The following TCF12 variants were observed in gnomAD, a reference collection of about 807,000 sequenced individuals.
The protein encoded by TCF12 is transcription factor 12.
In TCF12, 45 loss-of-function variants were observed where a neutral mutation model predicts 86.0. The ratio of observed to expected loss-of-function variants is 0.52; its 90% CI spans 0.41 to 0.67. The LOEUF is 0.67. Ranked by LOEUF, TCF12 falls within the 30% of genes least tolerant of loss-of-function variation. TCF12 has a pLI of 0.00. For missense variants in TCF12, 881 were observed against 859.9 expected (o/e 1.02, Z -0.31); for synonymous variants, 330 against 299.6 (o/e 1.10, Z -1.05).
At chr15:57,197,152 C>CTTTTTTTTT (rs138145337) in intron 7 of TCF12, among the ~76,000 whole-genome samples, 2,035 of 87,144 alleles carry the variant, frequency 0.023, 197 homozygotes, top group African/African-American at 0.075. Context: ...AGAACAGCTT[C>CTTTTTTTTT]TTTTTTTTTT....
rs376978153 is a variant in TCF12, at chr15:57,160,439, G to A, written c.326-5963G>A. On this transcript the variant is annotated intron_variant, in intron 5 of 20. Transcript: ENST00000333725. ...TTACCTCCCACCAGGTCCCTCCCAC[G>A]ACGTGGGGATTATGGAAACTACAGT... Among the ~76,000 whole-genome samples, 23 of 152,272 alleles carry A rather than the reference G, an allele frequency of 1.5e-4. No homozygotes were observed. The East Asian group carries it at 2.5e-3, about 17-fold the overall frequency.
At chr15:57,189,791 T>C (rs555550244) in intron 6 of TCF12, among the ~76,000 whole-genome samples, 20 of 151,986 alleles carry the variant, frequency 1.3e-4, no homozygotes, top group Non-Finnish European at 2.5e-4. Flanking sequence ...TGAATATACA[T>C]AGCAGTACTA....
At chr15:56,962,231 G>A (rs1193700342) in intron 3 of TCF12, among the ~76,000 whole-genome samples, 1 of 151,874 alleles carries the variant, frequency 6.6e-6, no homozygotes, top group African/African-American at 2.4e-5. Flanking sequence ...TACTTTTAAA[G>A]TGTGATTTCT....
chr15:56,990,976 T>G (rs1433348847), intron 3 of TCF12, among the ~76,000 whole-genome samples: 1 of 151,922 alleles, frequency 6.6e-6, no homozygotes, highest in Non-Finnish European at 1.5e-5. Context: ...TAAATTTTTT[T>G]GTAGAGATGG....
chr15:57,061,335 G>A (rs1233575533), intron 3 of TCF12, among the ~76,000 whole-genome samples: 1 of 152,140 alleles, frequency 6.6e-6, no homozygotes, highest in Non-Finnish European at 1.5e-5. Flanking sequence ...GTTCACACCT[G>A]TGATCCCAGC....
chr15:57,273,299 T>A, intron 19 of TCF12, 37 bp downstream of exon 19: 1 of 1,589,940 alleles, frequency 6.3e-7, no homozygotes, highest in African/African-American at 1.3e-5. Context: ...ACTGTTCTGC[T>A]TCAGATGGGC....
intron 5 of TCF12, among the ~76,000 whole-genome samples, chr15:57,142,336 C>G (rs144295889): frequency 7.1e-4 from 8 of 11,286 alleles, no homozygotes; most frequent in South Asian, 6.7e-3. Flanking sequence ...TAGATAGATA[C>G]AGAAAGAAAT....
intron 4 of TCF12, among the ~76,000 whole-genome samples, chr15:57,077,379 A>ATTT (rs1212052276): frequency 1.1e-3 from 54 of 48,674 alleles, no homozygotes; most frequent in African/African-American, 4.5e-3. Context: ...GTGTGTATAT[A>ATTT]TATTTTTTTT....
intron 8 of TCF12, among the ~76,000 whole-genome samples, chr15:57,207,460 C>T (rs1279570015): frequency 6.6e-6 from 1 of 152,108 alleles, no homozygotes; most frequent in Non-Finnish European, 1.5e-5. Flanking sequence ...CACTTAAGGT[C>T]AGGAGTTTGA....
chr15:57,037,776 T>C (rs1484344289), intron 3 of TCF12, among the ~76,000 whole-genome samples: 1 of 152,240 alleles, frequency 6.6e-6, no homozygotes, highest in African/African-American at 2.4e-5. Context: ...AGTTGATCTT[T>C]CTCACACACA....
At chr15:57,188,808 A>G (rs142587566) in intron 6 of TCF12, among the ~76,000 whole-genome samples, 1 of 152,360 alleles carries the variant, frequency 6.6e-6, no homozygotes, top group African/African-American at 2.4e-5. Context: ...CATTATTTTG[A>G]GACAGGGTCT....
intron 5 of TCF12, among the ~76,000 whole-genome samples, chr15:57,150,878 CCTTCCTTCCTT>C (rs1567521002): frequency 0.079 from 7,552 of 95,556 alleles, 876 homozygotes; most frequent in Admixed American, 0.18. Flanking sequence ...TCTGTCCCTT[CCTTCCTTCCTT>C]CCTTCCTTCC....
At chr15:57,267,712 T>A (rs1567020211) in intron 18 of TCF12, among the ~76,000 whole-genome samples, 1 of 152,334 alleles carries the variant, frequency 6.6e-6, no homozygotes, top group East Asian at 1.9e-4. Flanking sequence ...TGACCCATAT[T>A]ATAGGTCATC....
chr15:57,219,546 G>A, intron 8 of TCF12: 1 of 1,613,300 alleles, frequency 6.2e-7, no homozygotes, highest in Non-Finnish European at 8.5e-7. Flanking sequence ...TCCTGTCCCT[G>A]GAATGGGCAG....
intron 8 of TCF12, among the ~76,000 whole-genome samples, chr15:57,202,526 C>T (rs956924954): frequency 6.0e-5 from 9 of 151,064 alleles, no homozygotes; most frequent in African/African-American, 2.2e-4. Flanking sequence ...AGCTCCGCCT[C>T]CCAGATTCAT....
chr15:57,167,123 A>G (rs1454522537), intron 6 of TCF12, among the ~76,000 whole-genome samples: 3 of 152,176 alleles, frequency 2.0e-5, no homozygotes, highest in Non-Finnish European at 2.9e-5. Flanking sequence ...ATGAGGGCCC[A>G]CCCTAATTTC....
chr15:56,924,196 G>GA (rs2059909449), intron 3 of TCF12, among the ~76,000 whole-genome samples: 1 of 151,976 alleles, frequency 6.6e-6, no homozygotes, highest in African/African-American at 2.4e-5. Flanking sequence ...CCTTTACCCA[G>GA]TTTCCTGCAA....
intron 3 of TCF12, among the ~76,000 whole-genome samples, chr15:57,013,402 C>G (rs541637989): frequency 7.9e-5 from 12 of 152,286 alleles, no homozygotes; most frequent in Non-Finnish European, 1.0e-4. Flanking sequence ...CCTCCACTTC[C>G]CAGGTTTAAG....
chr15:56,920,924 C>G (rs2059763328), intron 2 of TCF12, 102 bp from the exon 3 acceptor site: 2 of 806,986 alleles, frequency 2.5e-6, no homozygotes, highest in Non-Finnish European at 3.6e-6. Flanking sequence ...TTTAACTTCC[C>G]TCTGAAATTT....
Sources: gnomAD v4.1 joint callset for allele counts (sites outside exome capture counted in the v4.1 genomes callset) on GRCh38, gnomAD v4.1.1 for gene constraint, MANE v1.5 for transcripts, NCBI Gene and HGNC (gene_info 2026-07-23, HGNC 2026-07-21) for gene names.